Variants in RAD51B observed in about 807,000 individuals in gnomAD.
RAD51B encodes RAD51 paralog B, also known as DNA repair protein RAD51 homolog 2.
In RAD51B, 38 loss-of-function variants were observed where a neutral mutation model predicts 42.2. The observed-to-expected ratio is 0.90, with a 90% CI of 0.70 to 1.18. RAD51B has a LOEUF of 1.18. Ranked by LOEUF, RAD51B falls within the 50% of genes most tolerant of loss-of-function variation. RAD51B has a pLI of 0.00. For missense variants in RAD51B, 373 were observed against 400.7 expected (o/e 0.93, Z 0.59); for synonymous variants, 154 against 145.2 (o/e 1.06, Z -0.43).
At chr14:68,173,404 A>G (rs2078909231) in intron 7 of RAD51B, among the ~76,000 whole-genome samples, 1 of 152,182 alleles carries the variant, frequency 6.6e-6, no homozygotes, top group Non-Finnish European at 1.5e-5. Context: ...AGAATCCAAG[A>G]TTTTATTATC....
At chr14:68,645,067 T>C (rs140305899) in intron 10 of RAD51B, among the ~76,000 whole-genome samples, 97 of 152,358 alleles carry the variant, frequency 6.4e-4, no homozygotes, top group African/African-American at 2.3e-3. Flanking sequence ...ATTCATATTA[T>C]TGTGCAACCA....
chr14:68,611,399 T>C (rs946839539), exon 11 of RAD51B: 48 of 618,450 alleles, frequency 7.8e-5, no homozygotes, highest in Non-Finnish European at 4.9e-5. Flanking sequence ...GAAAAAGTTC[T>C]TCTTCTCTAC....
intron 8 of RAD51B, among the ~76,000 whole-genome samples, chr14:68,344,538 T>A (rs2082634753): frequency 6.6e-6 from 1 of 152,006 alleles, no homozygotes; most frequent in South Asian, 2.1e-4. Context: ...TCCCAGCTAC[T>A]CGGGAAGCTG....
At chr14:68,166,569 A>C (rs1352375428) in intron 7 of RAD51B, among the ~76,000 whole-genome samples, 2 of 152,206 alleles carry the variant, frequency 1.3e-5, no homozygotes, top group Non-Finnish European at 2.9e-5. Flanking sequence ...AGTGTCTTCA[A>C]TTTTAAATAA....
At chr14:68,045,455 G>A (rs1443917586) in intron 7 of RAD51B, among the ~76,000 whole-genome samples, 2 of 152,038 alleles carry the variant, frequency 1.3e-5, no homozygotes, top group Non-Finnish European at 2.9e-5. Flanking sequence ...GAATGTGAGG[G>A]CAGATCATTT....
downstream of RAD51B, among the ~76,000 whole-genome samples, chr14:68,616,175 A>G (rs1194195186): frequency 6.6e-6 from 1 of 152,200 alleles, no homozygotes; most frequent in African/African-American, 2.4e-5. Flanking sequence ...AGAAATTTTT[A>G]ATGAAAAATT....
intron 7 of RAD51B, among the ~76,000 whole-genome samples, chr14:67,986,496 C>T (rs7157550): frequency 0.06 from 9,104 of 152,138 alleles, 640 homozygotes; most frequent in African/African-American, 0.17. Flanking sequence ...CTGTGGAAAC[C>T]CTTTGCAATA....
At chr14:68,360,741 C>A (rs1406491962) in intron 8 of RAD51B, among the ~76,000 whole-genome samples, 1 of 152,134 alleles carries the variant, frequency 6.6e-6, no homozygotes, top group African/African-American at 2.4e-5. Context: ...TGTATTTCAT[C>A]AAAGTTTTAC....
chr14:68,587,387 T>C (rs906267781), intron 10 of RAD51B, among the ~76,000 whole-genome samples: 1 of 152,094 alleles, frequency 6.6e-6, no homozygotes, highest in Non-Finnish European at 1.5e-5. Flanking sequence ...AATCTCAGGC[T>C]GTAATTACGA....
chr14:68,210,614 A>G (rs1302437334), intron 7 of RAD51B, among the ~76,000 whole-genome samples: 1 of 152,188 alleles, frequency 6.6e-6, no homozygotes, highest in African/African-American at 2.4e-5. Context: ...CCACTGCTGT[A>G]GTATCATGGA....
intron 9 of RAD51B, among the ~76,000 whole-genome samples, chr14:68,422,987 C>T (rs910013115): frequency 1.3e-5 from 2 of 152,122 alleles, no homozygotes; most frequent in African/African-American, 4.8e-5. Context: ...CTAGAAGTTT[C>T]TCTTCTTACC....
chr14:68,666,510 A>G (rs1306939449), intron 11 of RAD51B, among the ~76,000 whole-genome samples: 1 of 152,248 alleles, frequency 6.6e-6, no homozygotes, highest in Non-Finnish European at 1.5e-5. Flanking sequence ...AAATGTGAGG[A>G]GAGCAGTACT....
At chr14:67,882,653 C>G (rs186265277) in intron 5 of RAD51B, among the ~76,000 whole-genome samples, 5 of 152,148 alleles carry the variant, frequency 3.3e-5, no homozygotes, top group African/African-American at 1.2e-4. Context: ...CAAATAACAC[C>G]AATAACCAAA....
chr14:68,123,626 G>T (rs189443364), intron 7 of RAD51B, among the ~76,000 whole-genome samples: 37 of 152,202 alleles, frequency 2.4e-4, no homozygotes, highest in African/African-American at 8.7e-4. Flanking sequence ...TGGCCAACGT[G>T]GTGAAACCCC....
chr14:68,603,510 T>C (rs928388688), intron 10 of RAD51B, among the ~76,000 whole-genome samples: 7 of 152,182 alleles, frequency 4.6e-5, no homozygotes, highest in Non-Finnish European at 7.3e-5. Flanking sequence ...GTTTTTTTCA[T>C]TTATCTTTTC....
At chr14:68,039,858 A>G (rs2076191858) in intron 7 of RAD51B, among the ~76,000 whole-genome samples, 1 of 152,228 alleles carries the variant, frequency 6.6e-6, no homozygotes, top group South Asian at 2.1e-4. Context: ...AGTTATCCAC[A>G]TCCATCTCTT....
chr14:68,603,500 G>GT (rs915714415), intron 10 of RAD51B, among the ~76,000 whole-genome samples: 7 of 152,098 alleles, frequency 4.6e-5, no homozygotes, highest in African/African-American at 1.7e-4. Flanking sequence ...CATGTTATCT[G>GT]TTTTTTTCAT....
At chr14:68,643,930 C>T (rs34155620) in intron 10 of RAD51B, among the ~76,000 whole-genome samples, 48 of 152,302 alleles carry the variant, frequency 3.2e-4, no homozygotes, top group Non-Finnish European at 6.6e-4. Context: ...AGTAAGCTAT[C>T]ATCTCTCAGA....
intron 9 of RAD51B, among the ~76,000 whole-genome samples, chr14:68,439,927 A>G (rs2085244957): frequency 6.6e-6 from 1 of 152,110 alleles, no homozygotes; most frequent in African/African-American, 2.4e-5. Flanking sequence ...CCACCCTTTA[A>G]TTGGTTCATG....
Sources: gnomAD v4.1 joint callset for allele counts (sites outside exome capture counted in the v4.1 genomes callset) on GRCh38, gnomAD v4.1.1 for gene constraint, MANE v1.5 for transcripts, NCBI Gene and HGNC (gene_info 2026-07-23, HGNC 2026-07-21) for gene names.